DOCK10: variants seen among roughly 807,000 people sequenced by gnomAD.
DOCK10 encodes dedicator of cytokinesis protein 10.
Under a neutral mutation model 280.1 loss-of-function variants are expected in DOCK10, and 145 were observed. The ratio of observed to expected loss-of-function variants is 0.52; its 90% CI spans 0.45 to 0.59. The LOEUF is 0.59. DOCK10 is among the 20% of genes least tolerant of loss of function. The pLI is 0.00. For synonymous variants in DOCK10, 915 were observed against 942.2 expected, an observed-to-expected ratio of 0.97 and a Z score of 0.53; for missense variants, 2,368 against 2,651.7, an observed-to-expected ratio of 0.89 and a Z score of 2.35.
chr2:225,041,619 G>C (rs1264610491), intron 1 of DOCK10, among the ~76,000 whole-genome samples: 1 of 152,212 alleles, frequency 6.6e-6, no homozygotes, highest in Non-Finnish European at 1.5e-5. Flanking sequence ...AACCGCTGGA[G>C]ACCTAATGAC....
intron 23 of DOCK10, among the ~76,000 whole-genome samples, chr2:224,841,127 T>C (rs1374043369): frequency 1.3e-5 from 2 of 152,102 alleles, no homozygotes; most frequent in African/African-American, 4.8e-5. Context: ...CTGGGAGATG[T>C]TGATCAAAGG....
intron 3 of DOCK10, among the ~76,000 whole-genome samples, chr2:224,916,304 G>C (rs1209209329): frequency 6.6e-6 from 1 of 152,272 alleles, no homozygotes; most frequent in Non-Finnish European, 1.5e-5. Context: ...ACTTCAGGAA[G>C]CTGAGGTGGG....
intron 47 of DOCK10, among the ~76,000 whole-genome samples, chr2:224,790,419 G>A (rs554585813): frequency 1.3e-5 from 2 of 152,166 alleles, no homozygotes; most frequent in Non-Finnish European, 2.9e-5. Context: ...GCAACTAACT[G>A]AGACATTGCT....
At chr2:224,910,880 C>T (rs1398494503) in intron 3 of DOCK10, among the ~76,000 whole-genome samples, 1 of 152,058 alleles carries the variant, frequency 6.6e-6, no homozygotes, top group African/African-American at 2.4e-5. Context: ...TCAAGGACTA[C>T]TATGGGAGTT....
At chr2:224,934,115 G>A (rs143117280) in intron 1 of DOCK10, among the ~76,000 whole-genome samples, 2 of 152,190 alleles carry the variant, frequency 1.3e-5, no homozygotes, top group East Asian at 3.9e-4. Context: ...CGCCGTGATC[G>A]TATAGTGGTT....
chr2:224,817,712 A>T (rs1331233550), intron 29 of DOCK10, among the ~76,000 whole-genome samples: 1 of 152,176 alleles, frequency 6.6e-6, no homozygotes. Context: ...ACAAATGAAG[A>T]ATATACTTTC....
chr2:224,818,399 T>A (rs890088002), intron 29 of DOCK10, among the ~76,000 whole-genome samples: 1 of 77,782 alleles, frequency 1.3e-5, no homozygotes, highest in Non-Finnish European at 2.2e-5. Context: ...GGCCCCTGCC[T>A]TTTTTTTTTT....
At position 224,841,385 on chromosome 2, in the gene DOCK10, A is replaced by T. The variant is rs183324696; in HGVS notation, c.2661+419T>A. 2.6e-3 allele frequency among the ~76,000 whole-genome samples: 403 copies of T among 152,332 alleles called. 2 individuals carry two copies. Among genetic ancestry groups the T allele is most frequent in the Non-Finnish European group, 3.6e-3 (243 of 68,016 alleles). On this transcript the variant is annotated intron_variant, in intron 23 of 55. Transcript: ENST00000258390. Reference sequence around the variant, plus strand: ...TATATAATTTTTCTTTGTTAATTAAAAAATGAATACGTTAGAAAAAAATAA... The same window carrying T: ...TATATAATTTTTCTTTGTTAATTAATAAATGAATACGTTAGAAAAAAATAA...
chr2:224,909,944 G>T (rs1374695531), intron 3 of DOCK10, among the ~76,000 whole-genome samples: 2 of 152,024 alleles, frequency 1.3e-5, no homozygotes, highest in African/African-American at 4.8e-5. Flanking sequence ...ATTAAAATAT[G>T]ATGTCATTGA....
intron 1 of DOCK10, among the ~76,000 whole-genome samples, chr2:225,033,850 GCTTAT>G (rs1690151496): frequency 6.6e-6 from 1 of 152,186 alleles, no homozygotes; most frequent in South Asian, 2.1e-4. Flanking sequence ...CCAACCTCAT[GCTTAT>G]CTTGCCAGAA....
intron 55 of DOCK10, chr2:224,769,091 A>G: frequency 5.3e-6 from 2 of 374,666 alleles, no homozygotes; most frequent in Non-Finnish European, 1.0e-5. Flanking sequence ...CAGATTTATG[A>G]TTTTCCCCAT....
Position 224,830,526 on chromosome 2 carries a change from T to C in DOCK10, c.3036+15A>G. The C allele has an allele frequency of 7.7e-7, 1 of 1,304,644 alleles. No homozygotes were observed. The highest frequency in any genetic ancestry group is 1.0e-6 in the Non-Finnish European group (1 of 976,282). The allele number at this position is 1,304,644 out of a possible 1,614,324, so 80.8% of individuals were successfully genotyped here. A position where few individuals can be genotyped will look rare whatever the true frequency, so the allele number is the denominator to read the frequency against. On this transcript the variant is annotated intron_variant, in intron 27 of 55. Coordinates refer to ENST00000258390, the MANE Select transcript of DOCK10 (RefSeq NM_014689.3). Reference sequence around the variant, plus strand: ...TTGTAAAAATATTATAATATTATATTACTTATGTTCTTACCTGGATTTTAT... The same window carrying C: ...TTGTAAAAATATTATAATATTATATCACTTATGTTCTTACCTGGATTTTAT...
At chr2:225,030,076 G>A (rs947714914) in intron 1 of DOCK10, among the ~76,000 whole-genome samples, 38 of 150,364 alleles carry the variant, frequency 2.5e-4, no homozygotes, top group African/African-American at 9.3e-4. Flanking sequence ...AGCCCAGGAG[G>A]CAGAAGTTGC....
chr2:224,941,965 G>A (rs546202349), intron 1 of DOCK10, among the ~76,000 whole-genome samples: 2 of 152,266 alleles, frequency 1.3e-5, no homozygotes, highest in East Asian at 3.9e-4. Context: ...CACCAATTGA[G>A]GGAATCTTTA....
At chr2:224,978,627 G>A (rs13419043) in intron 1 of DOCK10, among the ~76,000 whole-genome samples, 117,393 of 152,124 alleles carry the variant, frequency 0.77, 45,862 homozygotes, top group African/African-American at 0.9. Flanking sequence ...AAGGTAATGC[G>A]TGATTAACTT....
At chr2:224,978,812 A>T (rs1705588964) in intron 1 of DOCK10, among the ~76,000 whole-genome samples, 1 of 152,198 alleles carries the variant, frequency 6.6e-6, no homozygotes, top group South Asian at 2.1e-4. Context: ...TAGACCTAAC[A>T]GGGATTTCAA....
At chr2:224,997,762 A>G (rs1559940335) in intron 1 of DOCK10, among the ~76,000 whole-genome samples, 1 of 152,214 alleles carries the variant, frequency 6.6e-6, no homozygotes, top group Non-Finnish European at 1.5e-5. Flanking sequence ...AGGGCTATGT[A>G]CTAACAGGCT....
intron 1 of DOCK10, among the ~76,000 whole-genome samples, chr2:225,007,242 G>T (rs1404001584): frequency 1.3e-5 from 2 of 152,148 alleles, no homozygotes; most frequent in African/African-American, 4.8e-5. Context: ...TTTTATGAAG[G>T]TATATAATAA....
intron 11 of DOCK10, among the ~76,000 whole-genome samples, chr2:224,869,924 T>C (rs1698162034): frequency 6.6e-6 from 1 of 152,234 alleles, no homozygotes; most frequent in Non-Finnish European, 1.5e-5. Flanking sequence ...AAATATGTTC[T>C]GGGTCAAAAA....
Sources: gnomAD v4.1 joint callset for allele counts (sites outside exome capture counted in the v4.1 genomes callset) on GRCh38, gnomAD v4.1.1 for gene constraint, MANE v1.5 for transcripts, NCBI Gene and HGNC (gene_info 2026-07-23, HGNC 2026-07-21) for gene names.